Variants in FHIT observed in about 807,000 individuals in gnomAD.
FHIT encodes bis(5'-adenosyl)-triphosphatase.
A neutral mutation model predicts 17.9 loss-of-function variants in FHIT; 19 were observed. The observed-to-expected ratio is 1.06, with a 90% CI of 0.74 to 1.56. The LOEUF (loss-of-function observed/expected upper bound fraction) is 1.56. Among genes scored for constraint, FHIT ranks in the 40% most tolerant of loss-of-function variants. The pLI, the probability that FHIT is intolerant of heterozygous loss-of-function variation, is 0.00. For missense variants in FHIT, 248 were observed against 189.2 expected (o/e 1.31, Z -1.82); for synonymous variants, 81 against 69.7 (o/e 1.16, Z -0.81).
intron 3 of FHIT, among the ~76,000 whole-genome samples, chr3:60,875,390 C>G (rs1704600136): frequency 6.6e-6 from 1 of 152,170 alleles, no homozygotes; most frequent in South Asian, 2.1e-4. Context: ...GGCTGCCCAT[C>G]AACATACTCC....
At chr3:60,382,018 AGC>A (rs1700819289) in intron 5 of FHIT, among the ~76,000 whole-genome samples, 1 of 152,252 alleles carries the variant, frequency 6.6e-6, no homozygotes, top group Non-Finnish European at 1.5e-5. Flanking sequence ...AGTGTTCAGT[AGC>A]CACATATGGC....
At chr3:60,587,269 C>CAT (rs1289590964) in intron 4 of FHIT, among the ~76,000 whole-genome samples, 1 of 152,044 alleles carries the variant, frequency 6.6e-6, no homozygotes, top group Non-Finnish European at 1.5e-5. Flanking sequence ...CCAGACACGA[C>CAT]ATGTTCTCAC....
chr3:61,006,484 C>A (rs2031456682), intron 3 of FHIT, among the ~76,000 whole-genome samples: 1 of 151,728 alleles, frequency 6.6e-6, no homozygotes, highest in Non-Finnish European at 1.5e-5. Context: ...ACACTTGGCA[C>A]TTGAGATTTA....
chr3:60,671,792 A>AC (rs56999452), intron 4 of FHIT, among the ~76,000 whole-genome samples: 2 of 145,356 alleles, frequency 1.4e-5, no homozygotes, highest in Admixed American at 1.4e-4. Context: ...AAAAAAAAAA[A>AC]CACAAAAATT....
In FHIT at chr3:60,996,579, A is replaced by G. The variant is rs185459004; in HGVS notation, c.-111+45468T>C. 5.3e-5 allele frequency among the ~76,000 whole-genome samples: 8 copies of G among 152,344 alleles called. No individual in the cohort carries two copies. The East Asian group carries it at 1.5e-3, about 29-fold the overall frequency. On this transcript the variant is annotated intron_variant, in intron 3 of 9. Coordinates refer to ENST00000492590, the MANE Select transcript of FHIT (RefSeq NM_002012.4). ...TTGGTCATGAAAAATCGTAATGTCC[A>G]TAATACAGTAGATGCAGCATTTCTA... is the stretch of plus-strand genomic sequence containing the variant.
intron 8 of FHIT, among the ~76,000 whole-genome samples, chr3:59,846,496 G>C (rs1054651925): frequency 2.2e-4 from 34 of 151,782 alleles, no homozygotes; most frequent in Non-Finnish European, 1.3e-4. Flanking sequence ...AAATTATATA[G>C]AAAACAAAAC....
intron 4 of FHIT, among the ~76,000 whole-genome samples, chr3:60,691,492 C>T (rs560541038): frequency 1.3e-3 from 200 of 152,078 alleles, no homozygotes; most frequent in African/African-American, 4.4e-3. Flanking sequence ...ACCTCAGCCT[C>T]CTAAGTAGCT....
chr3:59,980,796 G>T (rs1708620107), intron 7 of FHIT, among the ~76,000 whole-genome samples: 1 of 152,106 alleles, frequency 6.6e-6, no homozygotes, highest in Non-Finnish European at 1.5e-5. Context: ...GAACTTCCCA[G>T]CCTCAAGAAT....
intron 2 of FHIT, among the ~76,000 whole-genome samples, chr3:61,161,685 C>A (rs2037699836): frequency 2.0e-5 from 3 of 152,154 alleles, no homozygotes; most frequent in Admixed American, 2.0e-4. Context: ...CTAGCAGAAA[C>A]AAGAGACAGC....
intron 4 of FHIT, among the ~76,000 whole-genome samples, chr3:60,669,655 G>T (rs1388386885): frequency 1.3e-5 from 2 of 152,058 alleles, no homozygotes; most frequent in African/African-American, 2.4e-5. Context: ...ATAACAAATG[G>T]CACAGAACAA....
At chr3:60,342,289 C>A (rs1235881450) in intron 5 of FHIT, among the ~76,000 whole-genome samples, 1 of 152,204 alleles carries the variant, frequency 6.6e-6, no homozygotes, top group Non-Finnish European at 1.5e-5. Flanking sequence ...CATAGCATAT[C>A]AGGCAGCTGA....
At chr3:61,075,388 A>G (rs1399096485) in intron 2 of FHIT, among the ~76,000 whole-genome samples, 1 of 151,904 alleles carries the variant, frequency 6.6e-6, no homozygotes, top group Non-Finnish European at 1.5e-5. Flanking sequence ...ATACTATTTC[A>G]TGGCATCTAC....
At chr3:60,129,370 A>G (rs1688305207) in intron 5 of FHIT, among the ~76,000 whole-genome samples, 1 of 151,960 alleles carries the variant, frequency 6.6e-6, no homozygotes, top group African/African-American at 2.4e-5. Context: ...AAGCACATCA[A>G]TTTACATTTC....
At chr3:60,904,090 C>T (rs1706264452) in intron 3 of FHIT, among the ~76,000 whole-genome samples, 1 of 152,158 alleles carries the variant, frequency 6.6e-6, no homozygotes, top group Admixed American at 6.5e-5. Context: ...TGGTGCTTAT[C>T]AGGTTCTCCA....
chr3:61,224,486 G>T (rs879827110), intron 1 of FHIT, among the ~76,000 whole-genome samples: 1 of 151,952 alleles, frequency 6.6e-6, no homozygotes, highest in Non-Finnish European at 1.5e-5. Flanking sequence ...ATATGATCTC[G>T]GCTCACTCTG....
At chr3:59,998,709 AG>A (rs928148322) in intron 7 of FHIT, among the ~76,000 whole-genome samples, 1 of 152,150 alleles carries the variant, frequency 6.6e-6, no homozygotes, top group African/African-American at 2.4e-5. Flanking sequence ...CACAGAGGGA[AG>A]GGTGGAAGGT....
chr3:60,624,358 T>C (rs1404149257), intron 4 of FHIT, among the ~76,000 whole-genome samples: 1 of 152,078 alleles, frequency 6.6e-6, no homozygotes, highest in Non-Finnish European at 1.5e-5. Flanking sequence ...AGAGGACAGG[T>C]TGGATATGAA....
At chr3:60,349,434 T>C (rs1040211670) in intron 5 of FHIT, among the ~76,000 whole-genome samples, 1 of 152,168 alleles carries the variant, frequency 6.6e-6, no homozygotes, top group African/African-American at 2.4e-5. Context: ...TATAAACAAT[T>C]TGGATTTCCA....
intron 8 of FHIT, among the ~76,000 whole-genome samples, chr3:59,776,339 A>G (rs75712200): frequency 0.014 from 2,185 of 152,328 alleles, 42 homozygotes; most frequent in African/African-American, 0.048. Context: ...GGTGACAGCT[A>G]CAAGTGCTCA....
Sources: gnomAD v4.1 joint callset for allele counts (sites outside exome capture counted in the v4.1 genomes callset) on GRCh38, gnomAD v4.1.1 for gene constraint, MANE v1.5 for transcripts, NCBI Gene and HGNC (gene_info 2026-07-23, HGNC 2026-07-21) for gene names.